The following PODN variants were observed in gnomAD, a reference collection of about 807,000 sequenced individuals.
PODN encodes podocan proteoglycan.
A neutral mutation model predicts 52.7 loss-of-function variants in PODN; 40 were observed. That is an observed-to-expected ratio of 0.76 (90% CI 0.59 to 0.99). The LOEUF is 0.99. PODN is among the 50% of genes least tolerant of loss of function. The probability of loss-of-function intolerance (pLI) is 0.00; values close to 1 mark genes in which losing one functional copy is unlikely to be tolerated. For missense variants in PODN, 720 were observed against 815.1 expected (o/e 0.88, Z 1.42); for synonymous variants, 396 against 377.9 (o/e 1.05, Z -0.56).
intron 8 of PODN, among the ~76,000 whole-genome samples, chr1:53,080,349 G>T (rs554305718): frequency 6.6e-6 from 1 of 152,246 alleles, no homozygotes; most frequent in Non-Finnish European, 1.5e-5. Flanking sequence ...GCCCATTTGA[G>T]ATCTTTGGGA....
intron 3 of PODN, among the ~76,000 whole-genome samples, chr1:53,072,412 G>A (rs1455744727): frequency 1.3e-5 from 2 of 152,210 alleles, no homozygotes; most frequent in African/African-American, 2.4e-5. Flanking sequence ...GTGGGAGGCT[G>A]TACAAGTTAT....
intron 9 of PODN, among the ~76,000 whole-genome samples, chr1:53,081,532 C>G (rs1177021035): frequency 6.6e-6 from 1 of 152,200 alleles, no homozygotes; most frequent in Non-Finnish European, 1.5e-5. Context: ...GAGATCAGAG[C>G]CACAGCCTCC....
intron 9 of PODN, 152 bp downstream of exon 9, chr1:53,081,028 C>T (rs761532733): frequency 1.4e-5 from 15 of 1,064,014 alleles, no homozygotes; most frequent in South Asian, 3.4e-5. Context: ...TGGCCAGGCC[C>T]GATATGGTTC....
intron 2 of PODN, 51 bp downstream of exon 2, chr1:53,070,218 G>A (rs1182797633): frequency 6.3e-7 from 1 of 1,589,674 alleles, no homozygotes; most frequent in Non-Finnish European, 8.5e-7. Context: ...ACACACCCTT[G>A]GTTCCCATCC....
rs768589887 is a variant in PODN at position 53,062,245 on chromosome 1, C to G, written c.-119C>G. ...ATGGAAGGAGCCCGAGCCCGCGGAG[C>G]GCAGCTGAGACTGGGGGAGCGCGTT... On this transcript the variant is annotated 5_prime_UTR_variant, in exon 1 of 11. Coordinates refer to ENST00000312553, the MANE Select transcript of PODN (RefSeq NM_153703.5). 8.6e-6 allele frequency: 11 copies of G among 1,275,060 alleles called. No individual in the cohort carries two copies. In the East Asian group the frequency reaches 2.3e-4, roughly 27 times the overall value. 79.0% of individuals were successfully genotyped at this position (1,275,060 alleles called of 1,614,324 possible).
At chr1:53,063,398 C>T (rs1643988199) in intron 1 of PODN, 1 of 985,750 alleles carries the variant, frequency 1.0e-6, no homozygotes, top group Non-Finnish European at 1.2e-6. Context: ...CTGCCCTGCT[C>T]CACGAGGCGC....
chr1:53,071,675 T>C (rs1351942942), intron 3 of PODN, 47 bp downstream of exon 3: 1 of 1,553,190 alleles, frequency 6.4e-7, no homozygotes, highest in Admixed American at 1.7e-5. Flanking sequence ...AAGTGGGGCC[T>C]TGGGGGCCTG....
Position 53,080,841 on chromosome 1 carries a change from C to T in PODN, c.1626C>T (p.Phe542=), listed in dbSNP as rs1276343948. 22 of 1,614,052 alleles carry T rather than the reference C, an allele frequency of 1.4e-5. No homozygotes were observed. The highest frequency in any genetic ancestry group is 2.2e-5 in the East Asian group (1 of 44,894). ...NKISAVPANA[F]DSTPNLKGIF... ...TTAGTGCGGTGCCCGCCAATGCCTT[C>T]GACTCCACGCCCAACCTCAAGGGGA... The change falls in exon 9 of 11, where the codon TTC becomes TTT. Residue 542 remains phenylalanine, a synonymous_variant. Transcript: ENST00000312553.
intron 8 of PODN, 120 bp from the exon 9 acceptor site, chr1:53,080,608 C>A: frequency 9.3e-7 from 1 of 1,069,670 alleles, no homozygotes; most frequent in Non-Finnish European, 1.3e-6. Context: ...TAGACACCCC[C>A]CCTCCTCCAC....
chr1:53,075,875 C>T lies in PODN; in HGVS notation c.485C>T (p.Pro162Leu), dbSNP rs758469192. ...TTCCCTTCCCAGCTGACCTTGGCAC[C>T]CCGCTTCCTGCCAAACGCCCTGATC... is the stretch of plus-strand genomic sequence containing the variant. ...YLANNKLTLA[P>L]RFLPNALISV... is the part of the protein sequence containing the mutation. The change falls in exon 5 of 11, where the codon CCC becomes CTC. Residue 162 changes from proline (P) to leucine (L), a missense_variant. Physicochemically the swap from Pro to Leu is moderately conservative, Grantham distance 98. Transcript: ENST00000312553. 1.2e-6 allele frequency: 2 copies of T among 1,600,174 alleles called. No homozygotes were observed. The highest frequency in any genetic ancestry group is 1.7e-6 in the Non-Finnish European group (2 of 1,171,990).
intron 9 of PODN, 115 bp from the exon 10 acceptor site, chr1:53,081,866 C>T: frequency 6.8e-7 from 1 of 1,464,246 alleles, no homozygotes; most frequent in Middle Eastern, 2.4e-4. Context: ...CCTGCTGCAC[C>T]ACTTTCCGGG....
intron 1 of PODN, among the ~76,000 whole-genome samples, chr1:53,062,753 C>T (rs1643976419): frequency 1.3e-5 from 2 of 152,208 alleles, no homozygotes; most frequent in African/African-American, 2.4e-5. Flanking sequence ...GGCCCCCTAG[C>T]GACTCCAACC....
intron 10 of PODN, among the ~76,000 whole-genome samples, chr1:53,082,742 T>C (rs1457843752): frequency 1.3e-5 from 2 of 152,092 alleles, no homozygotes; most frequent in Non-Finnish European, 1.5e-5. Flanking sequence ...TCTCAACATG[T>C]ACACACATCC....
rs138655259 is a variant in PODN at position 53,077,008 on chromosome 1, C to T, written c.582-182C>T. The stretch of plus-strand genomic sequence containing the variant: ...TTATGGGACCACCTGTGGTGGGGCA[C>T]GGCCCCTTCTGGTCCTTGGTTCTGT... On this transcript the variant is annotated intron_variant, in intron 5 of 10. Coordinates refer to ENST00000312553, the MANE Select transcript of PODN (RefSeq NM_153703.5). 4.6e-5 allele frequency among the ~76,000 whole-genome samples: 7 copies of T among 152,342 alleles called. No individual in the cohort carries two copies. The East Asian group carries it at 7.7e-4, about 17-fold the overall frequency.
intron 1 of PODN, among the ~76,000 whole-genome samples, chr1:53,065,351 G>A (rs961497497): frequency 6.9e-6 from 1 of 144,664 alleles, no homozygotes; most frequent in Non-Finnish European, 1.5e-5. Context: ...GGGAGACCCT[G>A]TCTCAAAAAA....
Position 53,066,024 on chromosome 1 carries a change from C to T in PODN, c.-56+3716C>T, listed in dbSNP as rs183128963. On this transcript the variant is annotated intron_variant, in intron 1 of 10. Coordinates refer to ENST00000312553, the MANE Select transcript of PODN (RefSeq NM_153703.5). ...TTTTTTTTTTTTTTTTTGAGACGGTCTCACTCTGTTACCCAGGCTAGAGTG... is the reference window on the plus strand; with the variant it reads ...TTTTTTTTTTTTTTTTTGAGACGGTTTCACTCTGTTACCCAGGCTAGAGTG... Among the ~76,000 whole-genome samples the T allele has an allele frequency of 2.5e-3, 287 of 116,378 alleles. 6 individuals are homozygous for T. Among genetic ancestry groups the T allele is most frequent in the East Asian group, 0.019 (71 of 3,738 alleles). 76.3% of individuals were successfully genotyped at this position (116,378 alleles called of 152,430 possible).
At chr1:53,072,087 A>T (rs896894485) in intron 3 of PODN, among the ~76,000 whole-genome samples, 2 of 150,208 alleles carry the variant, frequency 1.3e-5, no homozygotes, top group South Asian at 4.2e-4. Flanking sequence ...TAAAATAAAT[A>T]AAAAATAAAA....
In PODN at chr1:53,078,912, C is replaced by A. The variant is rs746291140; in HGVS notation, c.1402C>A (p.Arg468=). The A allele has an allele frequency of 2.5e-6, 4 of 1,604,504 alleles. No individual in the cohort carries two copies. In the Admixed American group the frequency reaches 6.8e-5, roughly 27 times the overall value. The change falls in exon 8 of 11, where the codon CGA becomes AGA. Residue 468 remains arginine (R), a synonymous_variant. Coordinates refer to ENST00000312553, the MANE Select transcript of PODN (RefSeq NM_153703.5). ...VKRNELAALA[R]GALVGMAQLR... ...GCGCAATGAGCTGGCTGCCTTGGCA[C>A]GAGGGGCGCTGGTGGGCATGGCTCA... is the stretch of plus-strand genomic sequence containing the variant.
At chr1:53,065,795 G>A (rs1407088617) in intron 1 of PODN, among the ~76,000 whole-genome samples, 1 of 152,250 alleles carries the variant, frequency 6.6e-6, no homozygotes, top group South Asian at 2.1e-4. Flanking sequence ...TTGTGAGTGT[G>A]AACTGTCTTG....
Sources: allele counts gnomAD v4.1 joint callset (sites outside exome capture counted in the v4.1 genomes callset), GRCh38; gene constraint gnomAD v4.1.1; transcripts MANE v1.5; gene names NCBI Gene and HGNC (gene_info 2026-07-23, HGNC 2026-07-21).